SAFB: variants seen among roughly 807,000 people sequenced by gnomAD.
SAFB encodes the protein scaffold attachment factor B.
A neutral mutation model predicts 101.6 loss-of-function variants in SAFB; 15 were observed. That is an observed-to-expected ratio of 0.15 (90% CI 0.10 to 0.23). The LOEUF is 0.23. Among genes scored for constraint, SAFB ranks in the 10% least tolerant of loss-of-function variants. The pLI, the probability that SAFB is intolerant of heterozygous loss-of-function variation, is 1.00. For missense variants in SAFB, 930 were observed against 1,104.1 expected (o/e 0.84, Z 2.23); for synonymous variants, 449 against 407.5 (o/e 1.10, Z -1.23).
intron 2 of SAFB, among the ~76,000 whole-genome samples, chr19:5,636,282 T>C (rs1289262573): frequency 2.0e-5 from 3 of 152,064 alleles, no homozygotes; most frequent in Non-Finnish European, 2.9e-5. Context: ...TTATCTGGAA[T>C]AGGATTGGAC....
At chr19:5,657,021 T>C (rs541991742) in intron 13 of SAFB, among the ~76,000 whole-genome samples, 2 of 151,914 alleles carry the variant, frequency 1.3e-5, no homozygotes, top group African/African-American at 4.8e-5. Context: ...TCTGTCCGTC[T>C]CAGCCTCCCA....
Position 5,668,280 on chromosome 19 carries a change from C to A in SAFB, c.2743C>A (p.Arg915Ser). 6.2e-7 allele frequency: 1 copy of A among 1,611,850 alleles called. No homozygotes were observed. The highest frequency in any genetic ancestry group is 8.5e-7 in the Non-Finnish European group (1 of 1,179,564). The change falls in exon 21 of 21, where the codon CGC (arginine) becomes AGC (serine). Residue 915 changes from arginine (R) to serine (S), a missense_variant. Arg to Ser is a moderately radical substitution (Grantham distance 110, BLOSUM62 -1). This residue lies in a region of SAFB where 318 missense variants were observed against 342.6 expected (regional missense o/e 0.93). Transcript: ENST00000588852. ...CAGGCCCAGCGATGCCCGCTTCACTCGCCGCTACTGAGTACTTGGAATCCT... is the reference window on the plus strand; with the variant it reads ...CAGGCCCAGCGATGCCCGCTTCACTAGCCGCTACTGAGTACTTGGAATCCT... ...GSRPSDARFT[R>S]RY
chr19:5,647,085 G>T (rs924169415), intron 5 of SAFB, among the ~76,000 whole-genome samples: 2 of 152,252 alleles, frequency 1.3e-5, no homozygotes, highest in African/African-American at 4.8e-5. Context: ...CAGTTGACTG[G>T]AATTCCAGAG....
intron 14 of SAFB, among the ~76,000 whole-genome samples, chr19:5,657,617 C>T (rs530060480): frequency 6.6e-6 from 1 of 152,248 alleles, no homozygotes; most frequent in East Asian, 1.9e-4. Context: ...CTGCAACCTC[C>T]GCCTCCAAGC....
At chr19:5,623,604 A>T (rs1055596722) in intron 1 of SAFB, among the ~76,000 whole-genome samples, 3 of 151,696 alleles carry the variant, frequency 2.0e-5, no homozygotes, top group Admixed American at 2.0e-4. Context: ...CAATGGGGCC[A>T]GGAGAACCAC....
chr19:5,638,281 C>G (rs1314655105), intron 2 of SAFB, among the ~76,000 whole-genome samples: 1 of 152,090 alleles, frequency 6.6e-6, no homozygotes, highest in Non-Finnish European at 1.5e-5. Context: ...TATGCAGCCT[C>G]TTGATGTTTT....
intron 13 of SAFB, among the ~76,000 whole-genome samples, chr19:5,656,193 A>G (rs1211673440): frequency 6.6e-6 from 1 of 152,140 alleles, no homozygotes; most frequent in Non-Finnish European, 1.5e-5. Context: ...AGGCATGGAT[A>G]TATATACCTG....
chr19:5,659,606 C>T (rs1157735601), intron 14 of SAFB, among the ~76,000 whole-genome samples: 2 of 151,940 alleles, frequency 1.3e-5, no homozygotes, highest in Non-Finnish European at 2.9e-5. Flanking sequence ...TGGTCTCGAT[C>T]TCCTGACCTC....
At position 5,636,515 on chromosome 19, in the gene SAFB, T is replaced by C. The variant is rs540800904; in HGVS notation, c.275-5079T>C. Among the ~76,000 whole-genome samples the C allele has an allele frequency of 1.8e-4, 28 of 152,064 alleles. 1 individual carries two copies. Among genetic ancestry groups the C allele is most frequent in the Non-Finnish European group, 3.4e-4 (23 of 67,974 alleles). The stretch of plus-strand genomic sequence containing the variant: ...AAATATCATGTATTGAATTCTGTTA[T>C]CAGTTTGATAGTCCCCTATCTTTGT... On this transcript the variant is annotated intron_variant, in intron 2 of 20. Transcript: ENST00000588852.
intron 4 of SAFB, among the ~76,000 whole-genome samples, chr19:5,643,300 T>C (rs1168901942): frequency 1.3e-5 from 2 of 152,030 alleles, no homozygotes; most frequent in Non-Finnish European, 2.9e-5. Flanking sequence ...CCGCAGTGAG[T>C]GCTTCTCAAG....
intron 14 of SAFB, 170 bp from the exon 15 acceptor site, chr19:5,661,348 T>G: frequency 8.4e-7 from 1 of 1,186,086 alleles, no homozygotes; most frequent in Non-Finnish European, 1.2e-6. Context: ...CTTCCTGGGC[T>G]GCTCCTGTGG....
chr19:5,628,267 C>T (rs2053412790), intron 2 of SAFB, among the ~76,000 whole-genome samples: 1 of 152,124 alleles, frequency 6.6e-6, no homozygotes, highest in African/African-American at 2.4e-5. Context: ...AAAGAATCAG[C>T]TGAAGCTGGG....
intron 9 of SAFB, 68 bp downstream of exon 9, chr19:5,651,140 C>A: frequency 1.0e-6 from 1 of 957,896 alleles, no homozygotes; most frequent in Non-Finnish European, 1.6e-6. Flanking sequence ...ACATGGAGGT[C>A]CTCTCCCCTC....
intron 14 of SAFB, among the ~76,000 whole-genome samples, chr19:5,660,185 A>T (rs1487498776): frequency 1.3e-5 from 2 of 152,144 alleles, no homozygotes; most frequent in Non-Finnish European, 2.9e-5. Context: ...AGTTTCTGAT[A>T]TAAAACTGTG....
intron 2 of SAFB, among the ~76,000 whole-genome samples, chr19:5,639,395 C>G (rs776688847): frequency 6.6e-6 from 1 of 152,076 alleles, no homozygotes; most frequent in South Asian, 2.1e-4. Context: ...AGCTTGGCCA[C>G]ATAAGAGTGA....
chr19:5,667,245 G>T lies in SAFB; in HGVS notation c.2453+81G>T. 8.0e-7 allele frequency: 1 copy of T among 1,253,976 alleles called. No individual in the cohort carries two copies. The highest frequency in any genetic ancestry group is 1.5e-5 in the South Asian group (1 of 68,100). The allele number at this position is 1,253,976 out of a possible 1,614,324, so 77.7% of individuals were successfully genotyped here. A position where few individuals can be genotyped will look rare whatever the true frequency, so the allele number is the denominator to read the frequency against. ...GCAAGTCGCTGGGATGTGGGCACAG[G>T]GTGGGAAACACAGAGGGATTCACTC... On this transcript the variant is annotated intron_variant, in intron 18 of 20. Transcript: ENST00000588852. The surrounding 1 kb of genome is among the most constrained non-coding windows in gnomAD (Gnocchi z 4.0).
At chr19:5,637,420 C>A (rs1260736027) in intron 2 of SAFB, among the ~76,000 whole-genome samples, 4 of 151,460 alleles carry the variant, frequency 2.6e-5, no homozygotes. Flanking sequence ...TTGAGAGGCC[C>A]AAGCAGGAGA....
rs549305863 is a variant in SAFB, at chr19:5,633,819, T to TG, written c.274+7330_274+7331insG. 7.0e-3 allele frequency among the ~76,000 whole-genome samples: 1,067 copies of TG among 151,802 alleles called. 9 individuals carry two copies. The highest frequency in any genetic ancestry group is 0.01 in the Non-Finnish European group (690 of 67,908). ...AAAAAGAAACCAGGGTCTTGGAACTTAGATGTACTTCTGTAACTAGGATGT... is the reference window on the plus strand; with the variant it reads ...AAAAAGAAACCAGGGTCTTGGAACTTGAGATGTACTTCTGTAACTAGGATGT... On this transcript the variant is annotated intron_variant, in intron 2 of 20. Transcript: ENST00000588852.
Position 5,661,731 on chromosome 19 carries a change from G to A in SAFB, c.2076G>A (p.Glu692=). The A allele has an allele frequency of 6.3e-7, 1 of 1,593,970 alleles. No homozygotes were observed. Among genetic ancestry groups the A allele is most frequent in the Non-Finnish European group, 8.5e-7 (1 of 1,172,476 alleles). Residue 692 remains glutamate, a synonymous_variant, in exon 15 of 21, where the codon GAG becomes GAA. Transcript: ENST00000588852. Reference sequence around the variant, plus strand: ...AGGAGCGCATCCACCGTGAGCGCGAGGAGCTGAGGCGCCAGCAGGAACTGC... The same window carrying A: ...AGGAGCGCATCCACCGTGAGCGCGAAGAGCTGAGGCGCCAGCAGGAACTGC... ...REQERIHRER[E]ELRRQQELRY...
Sources: allele counts gnomAD v4.1 joint callset (sites outside exome capture counted in the v4.1 genomes callset), GRCh38; gene constraint gnomAD v4.1.1; regional missense constraint gnomAD v4.1.1; non-coding constraint Gnocchi (gnomAD v3.1); transcripts MANE v1.5; gene names NCBI Gene and HGNC (gene_info 2026-07-23, HGNC 2026-07-21).